STK32B: variants seen among roughly 807,000 people sequenced by gnomAD.
The protein encoded by STK32B is serine/threonine-protein kinase 32B.
A neutral mutation model predicts 52.6 loss-of-function variants in STK32B; 43 were observed. That is an observed-to-expected ratio of 0.82 (90% CI 0.64 to 1.05). The LOEUF (loss-of-function observed/expected upper bound fraction) is 1.05. Among genes scored for constraint, STK32B ranks in the 50% least tolerant of loss-of-function variants. STK32B has a pLI of 0.00. For missense variants in STK32B, 621 were observed against 534.6 expected (o/e 1.16, Z -1.59); for synonymous variants, 238 against 204.3 (o/e 1.17, Z -1.41).
At chr4:5,352,992 T>A (rs1733936399) in intron 4 of STK32B, among the ~76,000 whole-genome samples, 1 of 152,026 alleles carries the variant, frequency 6.6e-6, no homozygotes, top group Admixed American at 6.6e-5. Flanking sequence ...GGCATCAAAA[T>A]AACTGACTTC....
In STK32B at chr4:5,321,539, C is replaced by T. The variant is rs185989707; in HGVS notation, c.261-9681C>T. Among the ~76,000 whole-genome samples, 121 of 152,304 alleles carry T rather than the reference C, an allele frequency of 7.9e-4. 1 individual carries two copies. The East Asian group carries it at 0.02, about 26-fold the overall frequency. ...CTACTGTTTCAGGCTCACTGTCTGT[C>T]CCCGTGAACAGTACGTGTGCCTCTC... is the stretch of plus-strand genomic sequence containing the variant. On this transcript the variant is annotated intron_variant, in intron 3 of 11. Coordinates refer to ENST00000282908, the MANE Select transcript of STK32B (RefSeq NM_018401.3).
intron 3 of STK32B, among the ~76,000 whole-genome samples, chr4:5,223,373 C>T (rs369989232): frequency 6.6e-6 from 1 of 152,160 alleles, no homozygotes; most frequent in East Asian, 1.9e-4. Flanking sequence ...AAGCCCCACA[C>T]CTGTAGAACC....
rs549934414 is a variant in STK32B, at chr4:5,228,535, T to A, written c.260+60085T>A. 2.6e-5 allele frequency among the ~76,000 whole-genome samples: 4 copies of A among 152,328 alleles called. No individual in the cohort carries two copies. The South Asian group carries it at 6.2e-4, about 24-fold the overall frequency. On this transcript the variant is annotated intron_variant, in intron 3 of 11. Transcript: ENST00000282908. ...AAAGCTGCAATAAAATTTTTTTGTCTTTTATGGATCTTGTTTTTTCTGTAT... is the reference window on the plus strand; with the variant it reads ...AAAGCTGCAATAAAATTTTTTTGTCATTTATGGATCTTGTTTTTTCTGTAT...
intron 6 of STK32B, among the ~76,000 whole-genome samples, chr4:5,441,755 C>G (rs1242418198): frequency 1.4e-5 from 2 of 147,504 alleles, no homozygotes; most frequent in Non-Finnish European, 1.5e-5. Context: ...CTATAAATTT[C>G]CCTCTACACA....
chr4:5,328,922 T>G (rs1732047402), intron 3 of STK32B, among the ~76,000 whole-genome samples: 1 of 152,174 alleles, frequency 6.6e-6, no homozygotes, highest in African/African-American at 2.4e-5. Flanking sequence ...GAAGTCCAGC[T>G]GGTGGCCGGG....
intron 11 of STK32B, among the ~76,000 whole-genome samples, chr4:5,472,111 G>A (rs986792468): frequency 1.3e-5 from 2 of 152,206 alleles, no homozygotes; most frequent in African/African-American, 4.8e-5. Context: ...CATGGGCAGG[G>A]CATCCACTGT....
chr4:5,218,312 A>G (rs767469558), intron 3 of STK32B, among the ~76,000 whole-genome samples: 1 of 152,244 alleles, frequency 6.6e-6, no homozygotes, highest in Non-Finnish European at 1.5e-5. Context: ...GTTATGTGGA[A>G]GATGGATTGA....
chr4:5,044,982 A>G, the STK32B span, among the ~76,000 whole-genome samples: 15 of 151,786 alleles, frequency 9.9e-5, no homozygotes, highest in Admixed American at 5.9e-4. Flanking sequence ...TACCACCCCA[A>G]CCCCCAATGT....
intron 3 of STK32B, among the ~76,000 whole-genome samples, chr4:5,284,213 C>CA (rs1378456994): frequency 1.3e-5 from 2 of 151,858 alleles, no homozygotes; most frequent in South Asian, 4.2e-4. Flanking sequence ...ACCCGCAAAG[C>CA]AAAAAAACTG....
intron 1 of STK32B, among the ~76,000 whole-genome samples, chr4:5,091,871 A>G (rs1421124334): frequency 2.0e-5 from 3 of 152,254 alleles, no homozygotes; most frequent in Non-Finnish European, 2.9e-5. Context: ...TTGAGCCATA[A>G]GAGGAATGAA....
chr4:5,087,401 A>G (rs546850101), intron 1 of STK32B, among the ~76,000 whole-genome samples: 42 of 152,136 alleles, frequency 2.8e-4, no homozygotes, highest in Admixed American at 5.2e-4. Flanking sequence ...ATAAAAAGCT[A>G]TGACTTATAG....
the STK32B span, among the ~76,000 whole-genome samples, chr4:5,024,158 TCA>T: frequency 6.6e-6 from 1 of 152,234 alleles, no homozygotes; most frequent in Admixed American, 6.5e-5. Context: ...GCTACCATCC[TCA>T]GTTATTCTAA....
intron 6 of STK32B, among the ~76,000 whole-genome samples, chr4:5,438,728 A>G (rs1714382562): frequency 6.6e-6 from 1 of 152,144 alleles, no homozygotes; most frequent in South Asian, 2.1e-4. Context: ...CATTGGGTAT[A>G]TCTCCCGATG....
chr4:5,439,199 A>AC (rs1458965420), intron 6 of STK32B, among the ~76,000 whole-genome samples: 33 of 149,606 alleles, frequency 2.2e-4, no homozygotes, highest in Non-Finnish European at 4.3e-4. Flanking sequence ...CAATGGTTGA[A>AC]CTAGTTTACA....
Position 5,141,693 on chromosome 4 carries a change from T to C in STK32B, c.108+1733T>C, listed in dbSNP as rs542909262. On this transcript the variant is annotated intron_variant, in intron 2 of 11. Coordinates refer to ENST00000282908, the MANE Select transcript of STK32B (RefSeq NM_018401.3). ...TGGCAGTGCTGGGGGTGGTGAGAAATAGTCAGATTTTGGATATATTTTGAA... is the reference window on the plus strand; with the variant it reads ...TGGCAGTGCTGGGGGTGGTGAGAAACAGTCAGATTTTGGATATATTTTGAA... Among the ~76,000 whole-genome samples the C allele has an allele frequency of 3.3e-5, 5 of 151,974 alleles. No individual in the cohort carries two copies. In the South Asian group the frequency reaches 1.0e-3, roughly 32 times the overall value.
intron 3 of STK32B, among the ~76,000 whole-genome samples, chr4:5,247,221 C>T (rs980299322): frequency 5.3e-5 from 8 of 152,128 alleles, no homozygotes; most frequent in African/African-American, 1.9e-4. Flanking sequence ...TCGGCTCCAC[C>T]CAGTTTGAGC....
At chr4:5,416,511 A>T (rs1191795253) in intron 5 of STK32B, among the ~76,000 whole-genome samples, 1 of 152,136 alleles carries the variant, frequency 6.6e-6, no homozygotes, top group Non-Finnish European at 1.5e-5. Context: ...GCCCACCTAC[A>T]GTTTTCCTGA....
chr4:5,088,554 T>C (rs1473811591), intron 1 of STK32B, among the ~76,000 whole-genome samples: 3 of 152,068 alleles, frequency 2.0e-5, no homozygotes, highest in African/African-American at 7.2e-5. Flanking sequence ...GATCGTACAA[T>C]AGGATGAGTG....
intron 4 of STK32B, among the ~76,000 whole-genome samples, chr4:5,384,097 G>T (rs931287700): frequency 6.6e-6 from 1 of 152,234 alleles, no homozygotes; most frequent in Non-Finnish European, 1.5e-5. Flanking sequence ...GGGGGACAAT[G>T]CTTGGCTCAG....
Sources: gnomAD v4.1 joint callset for allele counts (sites outside exome capture counted in the v4.1 genomes callset) on GRCh38, gnomAD v4.1.1 for gene constraint, MANE v1.5 for transcripts, NCBI Gene and HGNC (gene_info 2026-07-23, HGNC 2026-07-21) for gene names.